TRDN: variants seen among roughly 807,000 people sequenced by gnomAD.
TRDN encodes triadin in skeletal muscle.
Under a neutral mutation model 149.7 loss-of-function variants are expected in TRDN, and 161 were observed. The observed-to-expected ratio is 1.08, with a 90% CI of 0.95 to 1.23. TRDN has a LOEUF of 1.23. Ranked by LOEUF, TRDN falls within the 50% of genes most tolerant of loss-of-function variation. The pLI, the probability that TRDN is intolerant of heterozygous loss-of-function variation, is 0.00. For missense variants in TRDN, 896 were observed against 823.5 expected (o/e 1.09, Z -1.08); for synonymous variants, 294 against 250.5 (o/e 1.17, Z -1.64).
At chr6:123,443,882 T>A (rs1217507025) in intron 10 of TRDN, among the ~76,000 whole-genome samples, 1 of 151,102 alleles carries the variant, frequency 6.6e-6, no homozygotes, top group Non-Finnish European at 1.5e-5. Flanking sequence ...GATCTATATC[T>A]CTGTTTTGGT....
chr6:123,535,055 G>T (rs1476906412), intron 4 of TRDN, among the ~76,000 whole-genome samples: 1 of 152,110 alleles, frequency 6.6e-6, no homozygotes, highest in African/African-American at 2.4e-5. Flanking sequence ...AAATTGTTTT[G>T]TGTCTTAGAA....
At position 123,282,084 on chromosome 6, in the gene TRDN, G is replaced by C. The variant is rs1311987685; in HGVS notation, c.1511-3002C>G. On this transcript the variant is annotated intron_variant, in intron 24 of 40. Transcript: ENST00000334268. ...AGATACAGAGATGGACAAACATAGA[G>C]GGAATGTAATATGAAGACACACAGA... is the stretch of plus-strand genomic sequence containing the variant. Among the ~76,000 whole-genome samples, 2 of 151,912 alleles carry C rather than the reference G, an allele frequency of 1.3e-5. 1 individual carries two copies. Among genetic ancestry groups the C allele is most frequent in the Non-Finnish European group, 2.9e-5 (2 of 67,914 alleles).
At chr6:123,388,960 G>A (rs190892358) in intron 13 of TRDN, among the ~76,000 whole-genome samples, 197 of 152,170 alleles carry the variant, frequency 1.3e-3, no homozygotes, top group African/African-American at 4.4e-3. Flanking sequence ...AGCTACTGAG[G>A]AATTATATAC....
intron 19 of TRDN, among the ~76,000 whole-genome samples, chr6:123,374,407 T>G (rs1229555687): frequency 6.6e-6 from 1 of 152,134 alleles, no homozygotes; most frequent in Non-Finnish European, 1.5e-5. Flanking sequence ...TGATTAAGCA[T>G]TTCTACAGAC....
chr6:123,388,436 T>A, intron 14 of TRDN, 86 bp downstream of exon 14: 10 of 1,429,256 alleles, frequency 7.0e-6, no homozygotes, highest in Non-Finnish European at 9.7e-6. Context: ...AAGGGGAATA[T>A]AGACAGAATA....
At chr6:123,471,971 G>T (rs1777177296) in intron 9 of TRDN, among the ~76,000 whole-genome samples, 1 of 152,124 alleles carries the variant, frequency 6.6e-6, no homozygotes, top group African/African-American at 2.4e-5. Context: ...AAAGACTTTT[G>T]AAATCAGCCA....
intron 9 of TRDN, among the ~76,000 whole-genome samples, chr6:123,472,228 C>G (rs569407483): frequency 6.6e-6 from 1 of 152,270 alleles, no homozygotes; most frequent in Admixed American, 6.5e-5. Context: ...GTGCGCGCAC[C>G]GTGCGCAAGC....
chr6:123,591,306 C>T (rs1783769441), intron 1 of TRDN, among the ~76,000 whole-genome samples: 1 of 152,144 alleles, frequency 6.6e-6, no homozygotes, highest in Admixed American at 6.5e-5. Flanking sequence ...GGTGCAGTGG[C>T]ACGATCTTGG....
At chr6:123,261,961 T>A (rs1562235280) in intron 33 of TRDN, among the ~76,000 whole-genome samples, 1 of 151,918 alleles carries the variant, frequency 6.6e-6, no homozygotes, top group Non-Finnish European at 1.5e-5. Flanking sequence ...TCATGTGCTG[T>A]TAAGAAAACA....
intron 1 of TRDN, among the ~76,000 whole-genome samples, chr6:123,585,771 G>A (rs1783446778): frequency 6.6e-6 from 1 of 152,068 alleles, no homozygotes; most frequent in South Asian, 2.1e-4. Flanking sequence ...TGGGGGAGGA[G>A]GTTCTGGAGG....
chr6:123,326,926 T>A (rs550166290), intron 23 of TRDN, among the ~76,000 whole-genome samples: 1 of 152,114 alleles, frequency 6.6e-6, no homozygotes, highest in Non-Finnish European at 1.5e-5. Context: ...ATTTTTCTAA[T>A]GTGTGGCTAA....
At chr6:123,621,644 A>G (rs2114712175) in intron 1 of TRDN, among the ~76,000 whole-genome samples, 1 of 152,278 alleles carries the variant, frequency 6.6e-6, no homozygotes, top group African/African-American at 2.4e-5. Flanking sequence ...AAACAAAATG[A>G]GGAATTAATG....
intron 26 of TRDN, among the ~76,000 whole-genome samples, chr6:123,276,271 A>T (rs985775843): frequency 6.6e-6 from 1 of 152,160 alleles, no homozygotes. Flanking sequence ...TTTAAAGATG[A>T]GGTCTCAAGA....
intron 21 of TRDN, among the ~76,000 whole-genome samples, chr6:123,346,129 C>T (rs1193808914): frequency 6.6e-6 from 1 of 152,028 alleles, no homozygotes. Flanking sequence ...GAGCTTTTAA[C>T]TTCGCACCAT....
intron 13 of TRDN, among the ~76,000 whole-genome samples, 172 bp from the exon 14 acceptor site, chr6:123,388,723 G>T (rs1781998639): frequency 6.6e-6 from 1 of 152,014 alleles, no homozygotes; most frequent in South Asian, 2.1e-4. Context: ...TTCATATAAA[G>T]ATATTTGTAA....
chr6:123,300,910 CG>C (rs147272273), intron 24 of TRDN, among the ~76,000 whole-genome samples: 9,203 of 151,848 alleles, frequency 0.061, 929 homozygotes, highest in African/African-American at 0.21. Context: ...CCCCTTTTAA[CG>C]AATTAAGAAA....
chr6:123,461,589 A>T, intron 10 of TRDN, among the ~76,000 whole-genome samples: 1 of 152,202 alleles, frequency 6.6e-6, no homozygotes, highest in East Asian at 1.9e-4. Flanking sequence ...TGTTGATTAA[A>T]GATGAATGGA....
At chr6:123,516,951 C>A (rs1779438881) in intron 5 of TRDN, among the ~76,000 whole-genome samples, 1 of 151,940 alleles carries the variant, frequency 6.6e-6, no homozygotes, top group African/African-American at 2.4e-5. Context: ...TTTCTTTTAT[C>A]CAATATTATT....
At chr6:123,599,126 C>G (rs1052709833) in intron 1 of TRDN, among the ~76,000 whole-genome samples, 1 of 152,060 alleles carries the variant, frequency 6.6e-6, no homozygotes, top group Non-Finnish European at 1.5e-5. Context: ...GACAAACTCC[C>G]TAACTATTAA....
Sources: gnomAD v4.1 joint callset for allele counts (sites outside exome capture counted in the v4.1 genomes callset) on GRCh38, gnomAD v4.1.1 for gene constraint, MANE v1.5 for transcripts, NCBI Gene and HGNC (gene_info 2026-07-23, HGNC 2026-07-21) for gene names.